Variants in RBFOX1 observed in about 807,000 individuals in gnomAD.
RBFOX1 encodes the protein RNA binding protein fox-1 homolog 1.
Under a neutral mutation model 57.7 loss-of-function variants are expected in RBFOX1, and 8 were observed. That is an observed-to-expected ratio of 0.14 (90% CI 0.08 to 0.25). RBFOX1 has a LOEUF of 0.25. RBFOX1 is among the 10% of genes least tolerant of loss of function. RBFOX1 has a pLI of 1.00. For missense variants in RBFOX1, 611 were observed against 548.5 expected (o/e 1.11, Z -1.14); for synonymous variants, 326 against 222.4 (o/e 1.47, Z -4.15).
At chr16:7,334,906 T>G in intron 4 of RBFOX1, among the ~76,000 whole-genome samples, 1 of 152,190 alleles carries the variant, frequency 6.6e-6, no homozygotes. Flanking sequence ...CTCTGGTAAC[T>G]AGTTACCCAT....
intron 2 of RBFOX1, among the ~76,000 whole-genome samples, chr16:6,597,344 G>C (rs890278891): frequency 1.3e-5 from 2 of 151,922 alleles, no homozygotes; most frequent in South Asian, 2.1e-4. Flanking sequence ...TATCCATCTG[G>C]ATAAGCCAGA....
At chr16:5,857,708 G>T (rs2057107795) in intron 3 of RBFOX1, among the ~76,000 whole-genome samples, 1 of 151,964 alleles carries the variant, frequency 6.6e-6, no homozygotes, top group Non-Finnish European at 1.5e-5. Context: ...GAACACTTGA[G>T]CCCAGGAGTT....
intron 2 of RBFOX1, among the ~76,000 whole-genome samples, chr16:5,497,521 T>G (rs1377012387): frequency 1.3e-5 from 2 of 151,430 alleles, no homozygotes; most frequent in Non-Finnish European, 2.9e-5. Context: ...ATGTCTCTAA[T>G]CCCAGCACTT....
intron 4 of RBFOX1, among the ~76,000 whole-genome samples, chr16:7,345,435 T>G (rs4290489): frequency 0.87 from 132,301 of 152,146 alleles, 57,697 homozygotes; most frequent in African/African-American, 0.93. Context: ...CCATGAATTT[T>G]GGTGGGGGCT....
intron 4 of RBFOX1, among the ~76,000 whole-genome samples, chr16:7,269,081 CT>C (rs2095253473): frequency 6.9e-6 from 1 of 144,046 alleles, no homozygotes; most frequent in South Asian, 2.3e-4. Flanking sequence ...GAATCAGCCT[CT>C]GGATCACATT....
intron 4 of RBFOX1, among the ~76,000 whole-genome samples, chr16:7,155,799 A>C (rs1037203042): frequency 6.7e-6 from 1 of 148,756 alleles, no homozygotes; most frequent in Non-Finnish European, 1.5e-5. Context: ...TCATTCAGCT[A>C]TTCTAATATT....
At chr16:5,349,405 G>A (rs1028853086) in intron 1 of RBFOX1, among the ~76,000 whole-genome samples, 1 of 152,186 alleles carries the variant, frequency 6.6e-6, no homozygotes, top group Non-Finnish European at 1.5e-5. Flanking sequence ...TGGGTACGGT[G>A]GCTCAAGCCT....
intron 3 of RBFOX1, among the ~76,000 whole-genome samples, chr16:6,791,060 C>A (rs955186416): frequency 3.3e-5 from 5 of 152,052 alleles, no homozygotes; most frequent in African/African-American, 4.8e-5. Flanking sequence ...CATGCCACCA[C>A]AATACCTGAC....
At chr16:6,944,787 A>G (rs1299231017) in intron 3 of RBFOX1, among the ~76,000 whole-genome samples, 1 of 152,174 alleles carries the variant, frequency 6.6e-6, no homozygotes, top group African/African-American at 2.4e-5. Flanking sequence ...TATCTCATCT[A>G]TGCCAACTAG....
chr16:6,592,769 G>C (rs992729791), intron 2 of RBFOX1, among the ~76,000 whole-genome samples: 6 of 152,154 alleles, frequency 3.9e-5, no homozygotes, highest in African/African-American at 1.4e-4. Flanking sequence ...ATGAAATAGA[G>C]GTTATTCTGT....
At chr16:7,248,370 C>A (rs562218399) in intron 4 of RBFOX1, among the ~76,000 whole-genome samples, 1 of 152,296 alleles carries the variant, frequency 6.6e-6, no homozygotes. Flanking sequence ...TAGTAGGATG[C>A]CCTATGTGGG....
intron 4 of RBFOX1, among the ~76,000 whole-genome samples, chr16:7,056,944 C>G (rs77055382): frequency 0.024 from 3,640 of 150,592 alleles, 139 homozygotes; most frequent in African/African-American, 0.083. Flanking sequence ...CTTAGTGTCT[C>G]AAAGCTTTAC....
At chr16:5,437,061 T>C (rs1449124694) in intron 1 of RBFOX1, among the ~76,000 whole-genome samples, 3 of 152,202 alleles carry the variant, frequency 2.0e-5, no homozygotes, top group Non-Finnish European at 4.4e-5. Context: ...TTAATCCTCA[T>C]ATCTAGAGTG....
intron 4 of RBFOX1, among the ~76,000 whole-genome samples, chr16:5,989,308 G>C (rs953794805): frequency 2.0e-5 from 3 of 152,128 alleles, no homozygotes; most frequent in Non-Finnish European, 4.4e-5. Context: ...TGCAGCCTGG[G>C]TGACAGAGCA....
At chr16:5,965,767 G>C (rs2059830807) in intron 4 of RBFOX1, among the ~76,000 whole-genome samples, 1 of 152,174 alleles carries the variant, frequency 6.6e-6, no homozygotes, top group Admixed American at 6.5e-5. Flanking sequence ...GGGCAGAGTA[G>C]CCGTTCTGAG....
chr16:6,698,681 C>G (rs573739251), intron 3 of RBFOX1, among the ~76,000 whole-genome samples: 1 of 152,268 alleles, frequency 6.6e-6, no homozygotes, highest in Non-Finnish European at 1.5e-5. Flanking sequence ...TCACATTATT[C>G]TATGCTATTT....
chr16:7,141,163 G>C (rs1305295007), intron 4 of RBFOX1, among the ~76,000 whole-genome samples: 1 of 152,178 alleles, frequency 6.6e-6, no homozygotes, highest in African/African-American at 2.4e-5. Flanking sequence ...CTTGCAGTCA[G>C]CTGGGGAGCA....
chr16:5,963,096 G>T (rs1237636928), intron 4 of RBFOX1, among the ~76,000 whole-genome samples: 1 of 152,182 alleles, frequency 6.6e-6, no homozygotes, highest in Non-Finnish European at 1.5e-5. Context: ...GTATTTTTAT[G>T]TGTATAAGAT....
At chr16:6,354,186 C>A (rs1412307612) in intron 2 of RBFOX1, among the ~76,000 whole-genome samples, 2 of 152,076 alleles carry the variant, frequency 1.3e-5, no homozygotes, top group African/African-American at 4.8e-5. Flanking sequence ...TGCTAGTGCA[C>A]CCCAGCCTGG....
Sources: allele counts gnomAD v4.1 joint callset (sites outside exome capture counted in the v4.1 genomes callset), GRCh38; gene constraint gnomAD v4.1.1; transcripts MANE v1.5; gene names NCBI Gene and HGNC (gene_info 2026-07-23, HGNC 2026-07-21).